The following SND1 variants were observed in gnomAD, a reference collection of about 807,000 sequenced individuals.
The protein encoded by SND1 is staphylococcal nuclease domain-containing protein 1.
SND1 carries 38 observed loss-of-function variants against 121.7 expected under a neutral mutation model. That is an observed-to-expected ratio of 0.31 (90% CI 0.24 to 0.41). The LOEUF (loss-of-function observed/expected upper bound fraction) is 0.41, where lower values mean the gene tolerates loss of function less well. SND1 is among the 10% of genes least tolerant of loss of function. The probability of loss-of-function intolerance (pLI) is 1.00; values close to 1 mark genes in which losing one functional copy is unlikely to be tolerated. For synonymous variants in SND1, 401 were observed against 447.4 expected (o/e 0.90, Z 1.31); for missense variants, 868 against 1,184.6 (o/e 0.73, Z 3.92).
At chr7:127,869,309 G>C (rs1437735843) in intron 12 of SND1, among the ~76,000 whole-genome samples, 1 of 152,192 alleles carries the variant, frequency 6.6e-6, no homozygotes, top group African/African-American at 2.4e-5. Flanking sequence ...GGTGGTGGGA[G>C]ATGGGGTTAG....
chr7:127,773,172 G>A (rs1463234375), intron 10 of SND1, among the ~76,000 whole-genome samples: 1 of 152,128 alleles, frequency 6.6e-6, no homozygotes, highest in Non-Finnish European at 1.5e-5. Flanking sequence ...GAAAATTCTT[G>A]GCCAGGCGTG....
At chr7:127,762,198 A>T (rs1797317204) in intron 10 of SND1, among the ~76,000 whole-genome samples, 1 of 152,198 alleles carries the variant, frequency 6.6e-6, no homozygotes, top group Non-Finnish European at 1.5e-5. Context: ...CAGGGCTCAG[A>T]TTGATAACTT....
chr7:128,065,764 G>A lies in SND1; in HGVS notation c.1780-8738G>A, dbSNP rs544291533. 7.6e-4 allele frequency among the ~76,000 whole-genome samples: 116 copies of A among 152,294 alleles called. 2 individuals are homozygous for A. The South Asian group carries it at 0.023, about 30-fold the overall frequency. On this transcript the variant is annotated intron_variant, in intron 16 of 23. Transcript: ENST00000354725. ...GTTCAAGATAAAGAACGGACGCACC[G>A]AATGGAAGGCAGCCTTCTCTCCTGG...
At chr7:127,922,189 T>TTGTTTTTTTTTTTTTTTTTG (rs1563058961) in intron 14 of SND1, among the ~76,000 whole-genome samples, 20 of 95,512 alleles carry the variant, frequency 2.1e-4, no homozygotes, top group African/African-American at 7.6e-4. Context: ...TTTTTTTTTT[T>TTGTTTTTTTTTTTTTTTTTG]TTTTTTTTTT....
intron 16 of SND1, among the ~76,000 whole-genome samples, chr7:128,002,156 G>A (rs1414340497): frequency 1.3e-5 from 2 of 152,106 alleles, no homozygotes; most frequent in Admixed American, 1.3e-4. Context: ...ACCCCTATTC[G>A]GGTTGTCCAC....
intron 14 of SND1, among the ~76,000 whole-genome samples, chr7:127,927,612 A>G (rs531030308): frequency 6.6e-6 from 1 of 152,210 alleles, no homozygotes; most frequent in South Asian, 2.1e-4. Context: ...GCCTTTTACC[A>G]CTGTACTGTT....
chr7:128,085,796 C>G lies in SND1; in HGVS notation c.2304+16C>G. On this transcript the variant is annotated intron_variant, in intron 20 of 23. Transcript: ENST00000354725. This position sits in a 1 kb window ranked among gnomAD's most constrained non-coding sequence, Gnocchi z 4.4. Reference sequence around the variant, plus strand: ...CTACGGCAACGTGAGTGTTGGGGACCAGAGTGTTGGAGGGGCTATCAAACA... The same window carrying G: ...CTACGGCAACGTGAGTGTTGGGGACGAGAGTGTTGGAGGGGCTATCAAACA... 2.5e-6 allele frequency: 4 copies of G among 1,610,958 alleles called. No individual in the cohort carries two copies. Among genetic ancestry groups the G allele is most frequent in the Non-Finnish European group, 1.7e-6 (2 of 1,177,232 alleles).
intron 14 of SND1, among the ~76,000 whole-genome samples, chr7:127,911,276 G>T: frequency 6.6e-6 from 1 of 152,184 alleles, no homozygotes; most frequent in East Asian, 1.9e-4. Context: ...AACCTCTGAT[G>T]CCAAAGTGGC....
At chr7:127,850,496 G>T (rs1050048393) in intron 12 of SND1, among the ~76,000 whole-genome samples, 2 of 152,098 alleles carry the variant, frequency 1.3e-5, no homozygotes, top group African/African-American at 2.4e-5. Context: ...GGGAGGTAGG[G>T]TCTGTATTAT....
chr7:127,768,221 A>C (rs1181933771), intron 10 of SND1, among the ~76,000 whole-genome samples: 1 of 152,196 alleles, frequency 6.6e-6, no homozygotes, highest in Non-Finnish European at 1.5e-5. Context: ...GATTTTAATC[A>C]AAATCTGTCT....
At chr7:128,070,034 T>C (rs1017052660) in intron 16 of SND1, among the ~76,000 whole-genome samples, 1 of 152,134 alleles carries the variant, frequency 6.6e-6, no homozygotes. Context: ...TCTGCCAGCA[T>C]CAAGAGCAGA....
chr7:127,924,958 T>G (rs1033157900), intron 14 of SND1, among the ~76,000 whole-genome samples: 1 of 152,172 alleles, frequency 6.6e-6, no homozygotes, highest in Non-Finnish European at 1.5e-5. Flanking sequence ...TCTCTGCTTC[T>G]CTCTAAGGGT....
intron 16 of SND1, among the ~76,000 whole-genome samples, chr7:128,010,669 A>G (rs1056250892): frequency 6.6e-6 from 1 of 152,250 alleles, no homozygotes; most frequent in Non-Finnish European, 1.5e-5. Flanking sequence ...CTGGTCCCCT[A>G]TTACTTTGGC....
intron 16 of SND1, among the ~76,000 whole-genome samples, chr7:127,996,646 C>A (rs1313816478): frequency 6.6e-6 from 1 of 152,192 alleles, no homozygotes; most frequent in African/African-American, 2.4e-5. Context: ...TCTCCTGACT[C>A]TCCCTGACGG....
intron 14 of SND1, among the ~76,000 whole-genome samples, chr7:127,912,134 ATATGACAAAGT>A (rs1800471929): frequency 6.6e-6 from 1 of 152,160 alleles, no homozygotes; most frequent in Admixed American, 6.5e-5. Context: ...TTCTTTGTTC[ATATGACAAAGT>A]GGTTCTGTGC....
intron 15 of SND1, among the ~76,000 whole-genome samples, chr7:127,969,599 G>A (rs553518237): frequency 7.2e-5 from 11 of 152,056 alleles, no homozygotes; most frequent in African/African-American, 1.9e-4. Flanking sequence ...TGGCGGGCAC[G>A]TGTAGTCCTA....
chr7:127,788,601 G>A (rs1024792200), intron 10 of SND1, among the ~76,000 whole-genome samples: 6 of 151,956 alleles, frequency 3.9e-5, no homozygotes, highest in South Asian at 2.1e-4. Flanking sequence ...TCAACTATGC[G>A]ACCCACTAAA....
At chr7:127,856,195 G>A (rs1046168907) in intron 12 of SND1, among the ~76,000 whole-genome samples, 64 of 152,302 alleles carry the variant, frequency 4.2e-4, no homozygotes, top group African/African-American at 1.4e-3. Context: ...TTACCATTTA[G>A]TAGGCACACA....
intron 11 of SND1, among the ~76,000 whole-genome samples, chr7:127,818,084 T>C (rs1453466494): frequency 2.0e-5 from 3 of 152,180 alleles, no homozygotes; most frequent in African/African-American, 7.2e-5. Context: ...GTCACCTGCT[T>C]TTTAAATTTC....
Sources: gnomAD v4.1 joint callset for allele counts (sites outside exome capture counted in the v4.1 genomes callset) on GRCh38, gnomAD v4.1.1 for gene constraint, Gnocchi (gnomAD v3.1) non-coding constraint, MANE v1.5 for transcripts, NCBI Gene and HGNC (gene_info 2026-07-23, HGNC 2026-07-21) for gene names.